The following TCF7L2 variants were observed in gnomAD, a reference collection of about 807,000 sequenced individuals.
The protein encoded by TCF7L2 is transcription factor 7-like 2.
In TCF7L2, 23 loss-of-function variants were observed where a neutral mutation model predicts 77.9. The ratio of observed to expected loss-of-function variants is 0.30; its 90% CI spans 0.21 to 0.42. TCF7L2 has a LOEUF of 0.42. Ranked by LOEUF, TCF7L2 falls within the 10% of genes least tolerant of loss-of-function variation. The pLI is 1.00. For synonymous variants in TCF7L2, 413 were observed against 340.2 expected (o/e 1.21, Z -2.36); for missense variants, 654 against 793.1 (o/e 0.82, Z 2.11).
At chr10:113,108,447 G>T (rs901558545) in intron 5 of TCF7L2, among the ~76,000 whole-genome samples, 1 of 152,228 alleles carries the variant, frequency 6.6e-6, no homozygotes, top group East Asian at 1.9e-4. Flanking sequence ...GGCCATTGTG[G>T]GGGGGAGGGG....
At chr10:113,026,646 C>T (rs946475114) in intron 4 of TCF7L2, among the ~76,000 whole-genome samples, 1 of 152,208 alleles carries the variant, frequency 6.6e-6, no homozygotes, top group Non-Finnish European at 1.5e-5. Flanking sequence ...CCTCTTTGGC[C>T]TGTGTCATTC....
intron 4 of TCF7L2, among the ~76,000 whole-genome samples, chr10:112,993,455 G>C (rs1005260459): frequency 6.6e-6 from 1 of 151,100 alleles, no homozygotes; most frequent in Non-Finnish European, 1.5e-5. Context: ...GCAGTGAGCC[G>C]AGATCACACC....
intron 4 of TCF7L2, among the ~76,000 whole-genome samples, chr10:113,034,724 G>A (rs1590794292): frequency 6.6e-6 from 1 of 151,824 alleles, no homozygotes; most frequent in Admixed American, 6.6e-5. Flanking sequence ...GGTAAAACCC[G>A]ATCTCTACTA....
chr10:113,128,723 T>G (rs2136459275), intron 5 of TCF7L2, among the ~76,000 whole-genome samples: 1 of 152,240 alleles, frequency 6.6e-6, no homozygotes, highest in South Asian at 2.1e-4. Flanking sequence ...ACTTTTTCTG[T>G]CTGTAATCCC....
At chr10:113,129,986 G>T in intron 5 of TCF7L2, 1 of 1,280,778 alleles carries the variant, frequency 7.8e-7, no homozygotes. Flanking sequence ...TTGAATTGCT[G>T]GGTGAGTAGT....
rs191579091 is a variant in TCF7L2 at position 113,166,686 on chromosome 10, G to A, written c.*714G>A. The A allele has an allele frequency of 2.7e-4, 63 of 230,222 alleles. No homozygotes were observed. Among genetic ancestry groups the A allele is most frequent in the Middle Eastern group, 2.6e-3 (2 of 778 alleles). 14.3% of individuals were successfully genotyped at this position (230,222 alleles called of 1,614,324 possible). ...CTGTATGTCGTCCCTTTTTAAATAT[G>A]TTTTCCTTTTTCTTGAAACTGTATA... On this transcript the variant is annotated 3_prime_UTR_variant, in exon 14 of 14. Coordinates refer to ENST00000627217, the MANE Select transcript of TCF7L2 (RefSeq NM_001146274.2).
At chr10:113,123,804 C>G (rs180871301) in intron 5 of TCF7L2, among the ~76,000 whole-genome samples, 132 of 152,284 alleles carry the variant, frequency 8.7e-4, no homozygotes, top group African/African-American at 3.1e-3. Context: ...CCTTGACGTG[C>G]GTGTGAACAA....
chr10:113,096,604 C>T lies in TCF7L2; in HGVS notation c.553-44580C>T, dbSNP rs139211166. On this transcript the variant is annotated intron_variant, in intron 5 of 13. Coordinates refer to ENST00000627217, the MANE Select transcript of TCF7L2 (RefSeq NM_001146274.2). ...TTTTTTTTTTAGTTTGGTGGAAGCG[C>T]CATAGGAGGCCAGATTTGCTTTTCC... Among the ~76,000 whole-genome samples the T allele has an allele frequency of 7.1e-3, 1,084 of 152,072 alleles. 11 individuals are homozygous for T. Among genetic ancestry groups the T allele is most frequent in the African/African-American group, 0.024 (1,013 of 41,462 alleles).
intron 5 of TCF7L2, among the ~76,000 whole-genome samples, chr10:113,108,660 C>T (rs1056407168): frequency 1.3e-5 from 2 of 152,188 alleles, no homozygotes; most frequent in African/African-American, 4.8e-5. Flanking sequence ...GCGGGGCGCC[C>T]CCTGCAGTAT....
intron 5 of TCF7L2, chr10:113,089,381 C>A (rs1010823399): frequency 6.2e-7 from 1 of 1,610,912 alleles, no homozygotes; most frequent in Non-Finnish European, 8.5e-7. Context: ...ACTCTGTTCC[C>A]CTTTCTTCCT....
intron 5 of TCF7L2, among the ~76,000 whole-genome samples, chr10:113,100,887 C>T (rs554874553): frequency 1.9e-4 from 29 of 152,078 alleles, no homozygotes; most frequent in South Asian, 1.5e-3. Context: ...ACCAGCCTGA[C>T]CAACATGGAG....
chr10:113,058,666 G>A (rs544426310), intron 5 of TCF7L2, among the ~76,000 whole-genome samples: 16 of 152,096 alleles, frequency 1.1e-4, no homozygotes, highest in African/African-American at 2.9e-4. Flanking sequence ...CTTGTTCCTT[G>A]TAAAAGTTCC....
chr10:112,961,254 A>ACCCCCC (rs372246814), intron 3 of TCF7L2, among the ~76,000 whole-genome samples: 9 of 60,472 alleles, frequency 1.5e-4, no homozygotes, highest in African/African-American at 3.0e-4. Flanking sequence ...ACCTCAGGTG[A>ACCCCCC]CCCCCCCCCC....
At chr10:113,053,974 T>A (rs1564831536) in intron 5 of TCF7L2, among the ~76,000 whole-genome samples, 1 of 152,104 alleles carries the variant, frequency 6.6e-6, no homozygotes, top group East Asian at 1.9e-4. Flanking sequence ...AGTGTTATGC[T>A]GCCTTAATCA....
At chr10:112,976,517 A>G (rs530291417) in intron 4 of TCF7L2, among the ~76,000 whole-genome samples, 9 of 152,292 alleles carry the variant, frequency 5.9e-5, no homozygotes, top group Admixed American at 5.2e-4. Context: ...TGTTTTACTC[A>G]TATTTATATC....
At chr10:112,963,995 T>C (rs971287304) in intron 3 of TCF7L2, among the ~76,000 whole-genome samples, 2 of 152,176 alleles carry the variant, frequency 1.3e-5, no homozygotes, top group Non-Finnish European at 2.9e-5. Flanking sequence ...CATGAAAGAA[T>C]GTGTAAGGCA....
chr10:113,141,962 T>C (rs560978902), intron 6 of TCF7L2, among the ~76,000 whole-genome samples: 54 of 152,364 alleles, frequency 3.5e-4, no homozygotes, highest in African/African-American at 1.2e-3. Context: ...AACCAATGGG[T>C]GTCTGAGAAA....
intron 5 of TCF7L2, among the ~76,000 whole-genome samples, chr10:113,042,604 G>A (rs1030903227): frequency 3.9e-5 from 6 of 152,190 alleles, no homozygotes; most frequent in South Asian, 2.1e-4. Flanking sequence ...TGACACCAGG[G>A]GTGAGAAGGA....
intron 5 of TCF7L2, among the ~76,000 whole-genome samples, chr10:113,097,912 C>T (rs895114919): frequency 6.6e-5 from 10 of 150,972 alleles, no homozygotes; most frequent in Non-Finnish European, 1.2e-4. Context: ...ATTAGCCAGG[C>T]GTGGTAGTGC....
Sources: gnomAD v4.1 joint callset for allele counts (sites outside exome capture counted in the v4.1 genomes callset) on GRCh38, gnomAD v4.1.1 for gene constraint, MANE v1.5 for transcripts, NCBI Gene and HGNC (gene_info 2026-07-23, HGNC 2026-07-21) for gene names.